Variants in PAX6 observed in about 807,000 individuals in gnomAD.
PAX6 encodes paired box protein Pax-6.
Under a neutral mutation model 60.7 loss-of-function variants are expected in PAX6, and 7 were observed. The observed-to-expected ratio is 0.12, with a 90% confidence interval of 0.07 to 0.22. PAX6 has a LOEUF of 0.22. Among genes scored for constraint, PAX6 ranks in the 10% least tolerant of loss-of-function variants. The pLI is 1.00. For missense variants in PAX6, 355 were observed against 555.2 expected (o/e 0.64, Z 3.62); for synonymous variants, 208 against 201.2 (o/e 1.03, Z -0.29).
intron 2 of PAX6, chr11:31,808,356 G>A (rs1382009408): frequency 6.6e-6 from 1 of 152,206 alleles, no homozygotes; most frequent in Non-Finnish European, 1.5e-5. Context: ...ACAGCAGAGG[G>A]TTACTAGTTA....
At chr11:31,817,544 G>A (rs978557429) in intron 1 of PAX6, among the ~76,000 whole-genome samples, 5 of 152,248 alleles carry the variant, frequency 3.3e-5, no homozygotes, top group Non-Finnish European at 7.3e-5. Flanking sequence ...CCCAGCTCAG[G>A]GCCGGACTGG....
upstream of PAX6, chr11:31,814,137 C>G (rs61879811): frequency 6.6e-6 from 1 of 152,126 alleles, no homozygotes; most frequent in Non-Finnish European, 1.5e-5. Flanking sequence ...TCCCCCCTAC[C>G]CTCCGCCCCC....
In PAX6 at chr11:31,810,483, A is replaced by G. The variant is rs554063559; in HGVS notation, c.-129+345T>C. ...TCGTCTTTTCCCGCGGGTCGGGAGC[A>G]TTGGGCGACGCTGGGGCTAGGAGCC... On this transcript the variant is annotated intron_variant, in intron 2 of 13. Transcript: ENST00000640368. 24 of 175,392 alleles carry G rather than the reference A, an allele frequency of 1.4e-4. No individual in the cohort carries two copies. The East Asian group carries it at 3.0e-3, about 22-fold the overall frequency. The allele number at this position is 175,392 out of a possible 1,614,324, so 10.9% of individuals were successfully genotyped here. A position where few individuals can be genotyped will look rare whatever the true frequency, so the allele number is the denominator to read the frequency against.
In PAX6 at chr11:31,800,761, C is replaced by T; in HGVS notation, c.495G>A (p.Gly165=). 1 of 1,614,220 alleles carries T rather than the reference C, an allele frequency of 6.2e-7. No individual in the cohort carries two copies. Among genetic ancestry groups the T allele is most frequent in the African/African-American group, 1.3e-5 (1 of 75,052 alleles). ...GGCGGGTGCCCCAGCTTCCGGTCTG[C>T]CCGTTCAACATCCTTAGTTTATCAT... ...GMYDKLRMLN[G]QTGSWGTRPG... is the part of the protein sequence containing the mutation. Residue 165 remains glycine (G), a synonymous_variant, in exon 8 of 14, where the codon GGG becomes GGA. Coordinates refer to ENST00000640368, the MANE Select transcript of PAX6 (RefSeq NM_001368894.2).
At chr11:31,791,646 A>T (rs1248829428) in intron 12 of PAX6, 2 of 152,868 alleles carry the variant, frequency 1.3e-5, no homozygotes, top group East Asian at 1.9e-4. Context: ...AGCAGGTCAG[A>T]TGATAGTACA....
intron 11 of PAX6, 31 bp from the exon 12 acceptor site, chr11:31,793,584 G>A: frequency 6.2e-7 from 1 of 1,613,178 alleles, no homozygotes; most frequent in Non-Finnish European, 8.5e-7. Flanking sequence ...AGTAGTCAGA[G>A]TGAGAGTCAG....
chr11:31,817,851 G>A (rs1290343605), exon 1 of PAX6: 3 of 152,670 alleles, frequency 2.0e-5, no homozygotes, highest in Admixed American at 6.5e-5. Context: ...TGGCAGCGCC[G>A]GTTCCCACAC....
chr11:31,797,223 G>A (rs570585885), intron 8 of PAX6, among the ~76,000 whole-genome samples: 15 of 152,172 alleles, frequency 9.9e-5, no homozygotes, highest in African/African-American at 2.6e-4. Context: ...GCCCCATCTC[G>A]GTCCCTTTTC....
At chr11:31,804,790 C>A (rs1226508145) in intron 4 of PAX6, 1 of 152,236 alleles carries the variant, frequency 6.6e-6, no homozygotes, top group Non-Finnish European at 1.5e-5. Context: ...CCAAGGCGGG[C>A]GCGTAAGGCC....
At chr11:31,805,428 A>G (rs1955497753) in intron 4 of PAX6, 1 of 152,468 alleles carries the variant, frequency 6.6e-6, no homozygotes. Context: ...CGTTTCCAAA[A>G]CAGATGGATA....
At chr11:31,809,363 T>C (rs1956560661) in intron 2 of PAX6, 1 of 152,144 alleles carries the variant, frequency 6.6e-6, no homozygotes, top group African/African-American at 2.4e-5. Flanking sequence ...TCTAAAACCT[T>C]CCCAAGTTCG....
intron 4 of PAX6, chr11:31,805,536 C>G (rs1459788148): frequency 6.5e-6 from 1 of 152,672 alleles, no homozygotes; most frequent in Non-Finnish European, 1.5e-5. Context: ...TGAGCCCCGA[C>G]GCCGTGTGCC....
upstream of PAX6, chr11:31,811,458 T>G (rs1957010555): frequency 2.7e-6 from 1 of 369,726 alleles, no homozygotes; most frequent in African/African-American, 2.1e-5. Flanking sequence ...ACACTTGTTT[T>G]CGGCTCCGCC....
chr11:31,816,981 C>T (rs1233774247), intron 1 of PAX6, among the ~76,000 whole-genome samples: 1 of 152,244 alleles, frequency 6.6e-6, no homozygotes, highest in African/African-American at 2.4e-5. Flanking sequence ...TTGGGTCGTC[C>T]CTTCCCTGAC....
In PAX6 at chr11:31,806,444, G is replaced by A. The variant is rs1413608613; in HGVS notation, c.-33C>T. ...CTGGCTGGGGGCCGCGGGATTCCACGGGGCTCGAATATGGGGCTCTGTTAG... is the reference window on the plus strand; with the variant it reads ...CTGGCTGGGGGCCGCGGGATTCCACAGGGCTCGAATATGGGGCTCTGTTAG... On this transcript the variant is annotated 5_prime_UTR_variant, in exon 4 of 14. Coordinates refer to ENST00000640368, the MANE Select transcript of PAX6 (RefSeq NM_001368894.2). 6.2e-7 allele frequency: 1 copy of A among 1,605,766 alleles called. No individual in the cohort carries two copies. The highest frequency in any genetic ancestry group is 8.5e-7 in the Non-Finnish European group (1 of 1,176,324).
At chr11:31,798,753 G>A (rs1002606910) in intron 8 of PAX6, among the ~76,000 whole-genome samples, 15 of 152,214 alleles carry the variant, frequency 9.9e-5, no homozygotes, top group Admixed American at 2.6e-4. Flanking sequence ...TCCACCTCCG[G>A]CCCCAACCAT....
chr11:31,794,141 T>A (rs374640199), intron 9 of PAX6, 27 bp from the exon 10 acceptor site: 1 of 1,489,182 alleles, frequency 6.7e-7, no homozygotes, highest in African/African-American at 1.4e-5. Flanking sequence ...ATTTTCCATA[T>A]TGTGCCAGAA....
chr11:31,803,187 G>A, intron 4 of PAX6: 1 of 360,476 alleles, frequency 2.8e-6, no homozygotes, highest in South Asian at 2.4e-5. Flanking sequence ...AGTACACATG[G>A]ACCTCACTAC....
In PAX6 at chr11:31,810,951, G is replaced by T; in HGVS notation, c.-252C>A. 1 of 399,282 alleles carries T rather than the reference G, an allele frequency of 2.5e-6. No individual in the cohort carries two copies. The highest frequency in any genetic ancestry group is 4.4e-6 in the Non-Finnish European group (1 of 226,124). The allele number at this position is 399,282 out of a possible 1,614,324, so 24.7% of individuals were successfully genotyped here. A position where few individuals can be genotyped will look rare whatever the true frequency, so the allele number is the denominator to read the frequency against. ...TTTGAAATGACGGTGTTTTAAAGGA[G>T]TTGCTGGTGAGAGTTTTCTCCACGG... On this transcript the variant is annotated 5_prime_UTR_variant, in exon 2 of 14. Coordinates refer to ENST00000640368, the MANE Select transcript of PAX6 (RefSeq NM_001368894.2).
Sources: allele counts gnomAD v4.1 joint callset (sites outside exome capture counted in the v4.1 genomes callset), GRCh38; gene constraint gnomAD v4.1.1; transcripts MANE v1.5; gene names NCBI Gene and HGNC (gene_info 2026-07-23, HGNC 2026-07-21).